The following DNAJB4 variants were observed in gnomAD, a reference collection of about 807,000 sequenced individuals.
DNAJB4 encodes the protein DnaJ heat shock protein family (Hsp40) member B4.
DNAJB4 carries 10 observed loss-of-function variants against 26.6 expected under a neutral mutation model. The observed-to-expected ratio is 0.38, with a 90% confidence interval of 0.23 to 0.64. The LOEUF (loss-of-function observed/expected upper bound fraction) is 0.64. DNAJB4 is among the 30% of genes least tolerant of loss of function. The pLI is 0.58. For synonymous variants in DNAJB4, 136 were observed against 134.8 expected, an observed-to-expected ratio of 1.01 and a Z score of -0.06; for missense variants, 328 against 408.2, an observed-to-expected ratio of 0.80 and a Z score of 1.69.
At chr1:77,989,569 T>G (rs1257451907) in intron 1 of DNAJB4, among the ~76,000 whole-genome samples, 3 of 152,216 alleles carry the variant, frequency 2.0e-5, no homozygotes, top group Non-Finnish European at 2.9e-5. Context: ...GGTTAATATT[T>G]TTTTGAGGGC....
intron 1 of DNAJB4, among the ~76,000 whole-genome samples, chr1:78,011,251 G>A (rs1227450385): frequency 1.3e-5 from 2 of 152,082 alleles, no homozygotes; most frequent in African/African-American, 2.4e-5. Flanking sequence ...GCCTGAGGTG[G>A]ACTGTTCACA....
intron 1 of DNAJB4, among the ~76,000 whole-genome samples, chr1:77,982,568 C>CCGAGGT (rs1182607646): frequency 0.043 from 236 of 5,468 alleles, no homozygotes; most frequent in Middle Eastern, 0.12. Flanking sequence ...CATGCCGAGG[C>CCGAGGT]GGGTGGATCA....
intron 1 of DNAJB4, among the ~76,000 whole-genome samples, chr1:77,997,358 T>G (rs865939230): frequency 1.9e-4 from 28 of 150,866 alleles, no homozygotes; most frequent in South Asian, 2.1e-4. Flanking sequence ...TATATCTATA[T>G]ATCTATATAT....
At position 78,016,580 on chromosome 1, in the gene DNAJB4, TTAGA is replaced by T. The variant is rs1361026670; in HGVS notation, c.*336_*339del. On this transcript the variant is annotated 3_prime_UTR_variant, in exon 3 of 3. Transcript: ENST00000370763. ...TCCAATTACTTAATTTCTTATACCT[TTAGA>T]TAATCAGTATGAAAAGTTCCCATTT... 4.8e-6 allele frequency: 1 copy of T among 207,764 alleles called. No homozygotes were observed. Among genetic ancestry groups the T allele is most frequent in the African/African-American group, 2.3e-5 (1 of 42,930 alleles). The allele number at this position is 207,764 out of a possible 1,614,324, so 12.9% of individuals were successfully genotyped here.
intron 1 of DNAJB4, among the ~76,000 whole-genome samples, chr1:77,996,767 GAATT>G (rs1323475015): frequency 1.3e-5 from 2 of 152,146 alleles, no homozygotes; most frequent in Non-Finnish European, 2.9e-5. Context: ...AGTCCACAGA[GAATT>G]ATGACTAAAA....
intron 1 of DNAJB4, among the ~76,000 whole-genome samples, chr1:77,992,151 C>T (rs1421738053): frequency 2.0e-5 from 3 of 151,976 alleles, no homozygotes; most frequent in Non-Finnish European, 2.9e-5. Flanking sequence ...CGGTGGCTCA[C>T]GCCTGTAATC....
At chr1:78,010,838 C>G (rs1030215170) in intron 1 of DNAJB4, among the ~76,000 whole-genome samples, 1 of 152,060 alleles carries the variant, frequency 6.6e-6, no homozygotes, top group African/African-American at 2.4e-5. Flanking sequence ...TTCTCTGTAC[C>G]GATACTCAAG....
chr1:77,989,773 A>G (rs372672879), intron 1 of DNAJB4, among the ~76,000 whole-genome samples: 1 of 152,222 alleles, frequency 6.6e-6, no homozygotes, highest in South Asian at 2.1e-4. Context: ...GGTAGTTCCA[A>G]GATTGATTTA....
chr1:78,016,311 A>C lies in DNAJB4; in HGVS notation c.*64A>C. The C allele has an allele frequency of 2.2e-6, 3 of 1,360,856 alleles. No individual in the cohort carries two copies. The highest frequency in any genetic ancestry group is 3.1e-6 in the Non-Finnish European group (3 of 970,776). 84.3% of individuals were successfully genotyped at this position (1,360,856 alleles called of 1,614,324 possible). A position where few individuals can be genotyped will look rare whatever the true frequency, so the allele number is the denominator to read the frequency against. On this transcript the variant is annotated 3_prime_UTR_variant, in exon 3 of 3. Transcript: ENST00000370763. ...GAAAATATAAAAGGACTGGTAGTTT[A>C]CTGATGTAGATGTGAATTCTGTATA... is the stretch of plus-strand genomic sequence containing the variant.
At chr1:77,993,117 T>G (rs1046346678) in intron 1 of DNAJB4, among the ~76,000 whole-genome samples, 8 of 152,086 alleles carry the variant, frequency 5.3e-5, no homozygotes, top group African/African-American at 1.9e-4. Flanking sequence ...TAGACTTTGC[T>G]CTCCCTCCAG....
At chr1:78,014,866 G>C (rs1660592221) in intron 2 of DNAJB4, among the ~76,000 whole-genome samples, 1 of 152,080 alleles carries the variant, frequency 6.6e-6, no homozygotes, top group Non-Finnish European at 1.5e-5. Flanking sequence ...CTCCCAAAGT[G>C]CTGGGACTAT....
chr1:77,997,222 G>A (rs748729708), intron 1 of DNAJB4, among the ~76,000 whole-genome samples: 5 of 149,796 alleles, frequency 3.3e-5, no homozygotes, highest in Non-Finnish European at 5.9e-5. Flanking sequence ...GCACATGCCT[G>A]TAATCCCAAC....
intron 1 of DNAJB4, among the ~76,000 whole-genome samples, chr1:77,984,295 T>G (rs1659740941): frequency 2.0e-5 from 3 of 152,220 alleles, no homozygotes. Flanking sequence ...CATGAATCAA[T>G]TGAAAGTTTT....
intron 1 of DNAJB4, among the ~76,000 whole-genome samples, chr1:77,987,550 C>CCTGG (rs1659822151): frequency 6.6e-6 from 1 of 152,188 alleles, no homozygotes; most frequent in South Asian, 2.1e-4. Context: ...AGCCACTGTG[C>CCTGG]CTGGCCCCAT....
upstream of DNAJB4, chr1:78,004,668 G>A (rs1660282084): frequency 6.1e-6 from 1 of 164,684 alleles, no homozygotes; most frequent in African/African-American, 2.4e-5. Context: ...ATATATAGTT[G>A]TGACATTCTG....
intron 1 of DNAJB4, among the ~76,000 whole-genome samples, chr1:77,993,418 A>G (rs1362617587): frequency 1.1e-4 from 16 of 152,090 alleles, no homozygotes; most frequent in Non-Finnish European, 4.4e-5. Flanking sequence ...GGTTTAAACA[A>G]TTCTCCTGCC....
Position 78,005,101 on chromosome 1 carries a change from G to C in DNAJB4, c.-10G>C. 1 of 1,608,968 alleles carries C rather than the reference G, an allele frequency of 6.2e-7. No individual in the cohort carries two copies. Among genetic ancestry groups the C allele is most frequent in the Non-Finnish European group, 8.5e-7 (1 of 1,177,990 alleles). On this transcript the variant is annotated 5_prime_UTR_variant, in exon 1 of 3. Transcript: ENST00000370763. ...AAAGGGAAATCTAAGTTAATTTCAA[G>C]GCATTCGAAATGGGGAAAGACTATT...
At chr1:78,000,360 C>T (rs144553240), upstream of DNAJB4, among the ~76,000 whole-genome samples, 1 of 152,198 alleles carries the variant, frequency 6.6e-6, no homozygotes, top group Non-Finnish European at 1.5e-5. Context: ...TTAATGTTAC[C>T]AGCTTAACAG....
intron 2 of DNAJB4, among the ~76,000 whole-genome samples, chr1:78,015,550 C>CTTTTTTT (rs766899519): frequency 3.5e-5 from 2 of 57,808 alleles, no homozygotes; most frequent in Non-Finnish European, 7.7e-5. Context: ...TTTCTTTCTT[C>CTTTTTTT]TTTTTTTTTT....
Sources: gnomAD v4.1 joint callset for allele counts (sites outside exome capture counted in the v4.1 genomes callset) on GRCh38, gnomAD v4.1.1 for gene constraint, MANE v1.5 for transcripts, NCBI Gene and HGNC (gene_info 2026-07-23, HGNC 2026-07-21) for gene names.